Variants in MALRD1 observed in about 807,000 individuals in gnomAD.
MALRD1 encodes MAM and LDL receptor class A domain containing 1.
Under a neutral mutation model 242.1 loss-of-function variants are expected in MALRD1, and 247 were observed. The observed-to-expected ratio is 1.02, with a 90% CI of 0.92 to 1.13. The LOEUF is 1.13. Ranked by LOEUF, MALRD1 falls within the 50% of genes most tolerant of loss-of-function variation. The probability of loss-of-function intolerance (pLI) is 0.00; values close to 1 mark genes in which losing one functional copy is unlikely to be tolerated. For synonymous variants in MALRD1, 995 were observed against 866.6 expected, an observed-to-expected ratio of 1.15 and a Z score of -2.60; for missense variants, 2,989 against 2,533.1, an observed-to-expected ratio of 1.18 and a Z score of -3.86.
At chr10:19,336,278 A>G (rs1843608086) in intron 24 of MALRD1, among the ~76,000 whole-genome samples, 1 of 152,200 alleles carries the variant, frequency 6.6e-6, no homozygotes, top group Non-Finnish European at 1.5e-5. Context: ...CCATTTTATT[A>G]GCTTTCAAAT....
At chr10:19,338,575 G>T (rs1183823622) in intron 24 of MALRD1, among the ~76,000 whole-genome samples, 3 of 151,810 alleles carry the variant, frequency 2.0e-5, no homozygotes, top group Admixed American at 2.0e-4. Context: ...TGACATGTGG[G>T]GATTACAATT....
chr10:19,287,662 C>CTGAGAA (rs1841192378), intron 21 of MALRD1, among the ~76,000 whole-genome samples: 1 of 151,984 alleles, frequency 6.6e-6, no homozygotes, highest in African/African-American at 2.4e-5. Flanking sequence ...GGTAATGGTG[C>CTGAGAA]TGGGATATTT....
intron 34 of MALRD1, among the ~76,000 whole-genome samples, chr10:19,606,229 A>T (rs562123514): frequency 6.6e-6 from 1 of 152,292 alleles, no homozygotes; most frequent in African/African-American, 2.4e-5. Context: ...ACATGGGGAC[A>T]TTTATTCTTG....
intron 21 of MALRD1, among the ~76,000 whole-genome samples, chr10:19,300,514 T>C (rs1841902578): frequency 6.6e-6 from 1 of 151,786 alleles, no homozygotes; most frequent in Non-Finnish European, 1.5e-5. Context: ...AATAGACACA[T>C]AGACCAATAG....
chr10:19,447,163 TATTAA>T (rs1317440384), intron 28 of MALRD1, among the ~76,000 whole-genome samples: 1 of 152,092 alleles, frequency 6.6e-6, no homozygotes, highest in Non-Finnish European at 1.5e-5. Flanking sequence ...TTTTCTCCTG[TATTAA>T]ATTAGTACGT....
At chr10:19,120,623 A>G (rs985509385) in intron 5 of MALRD1, among the ~76,000 whole-genome samples, 1 of 152,118 alleles carries the variant, frequency 6.6e-6, no homozygotes, top group African/African-American at 2.4e-5. Flanking sequence ...CTGCCAGGGT[A>G]GGGGGAGAAG....
chr10:19,564,449 C>T (rs990841994), intron 32 of MALRD1, among the ~76,000 whole-genome samples: 4 of 151,946 alleles, frequency 2.6e-5, no homozygotes, highest in Non-Finnish European at 4.4e-5. Context: ...TTGATGATAA[C>T]ATAAACTCTA....
At chr10:19,627,010 GACAC>G (rs531253690) in intron 36 of MALRD1, among the ~76,000 whole-genome samples, 114 of 152,142 alleles carry the variant, frequency 7.5e-4, no homozygotes, top group African/African-American at 2.7e-3. Flanking sequence ...TAGACAAATA[GACAC>G]TTGGAAAAGA....
At chr10:19,649,760 T>C (rs1366340860) in intron 36 of MALRD1, among the ~76,000 whole-genome samples, 1 of 152,210 alleles carries the variant, frequency 6.6e-6, no homozygotes, top group Non-Finnish European at 1.5e-5. Flanking sequence ...TTTGCCTTTG[T>C]TGTGATTGCT....
chr10:19,080,423 T>C (rs559164517), intron 2 of MALRD1, among the ~76,000 whole-genome samples: 1 of 151,992 alleles, frequency 6.6e-6, no homozygotes, highest in East Asian at 1.9e-4. Context: ...AACAGACACA[T>C]AGACAAATGG....
At chr10:19,136,515 A>G in intron 9 of MALRD1, 59 bp from the exon 10 acceptor site, 1 of 953,872 alleles carries the variant, frequency 1.0e-6, no homozygotes, top group Non-Finnish European at 1.4e-6. Context: ...AACCTTCTTT[A>G]GTTTTTTGTC....
Position 19,324,080 on chromosome 10 carries a change from A to G in MALRD1, c.3551A>G (p.Asn1184Ser), listed in dbSNP as rs1014416801. The G allele has an allele frequency of 3.9e-6, 6 of 1,550,346 alleles. No individual in the cohort carries two copies. Among genetic ancestry groups the G allele is most frequent in the African/African-American group, 1.4e-5 (1 of 73,156 alleles). ...KCTLVFWTHMNGATVGSLQVL... is the reference protein window; with the variant it reads ...KCTLVFWTHMSGATVGSLQVL... ...ACCTTGGTGTTCTGGACACATATGA[A>G]TGGGGCCACCGTTGGTTCTCTCCAG... The change falls in exon 22 of 40, where the codon AAT (asparagine) becomes AGT (serine). Residue 1184 changes from asparagine (N) to serine (S), a missense_variant. Asn to Ser is a conservative substitution (Grantham distance 46). Transcript: ENST00000454679.
At position 19,719,205 on chromosome 10, in the gene MALRD1, TATATATAC is replaced by T. The variant is rs1564567258; in HGVS notation, c.6315-11499_6315-11492del. Among the ~76,000 whole-genome samples the T allele has an allele frequency of 7.9e-4, 76 of 96,272 alleles. 2 individuals carry two copies. Among genetic ancestry groups the T allele is most frequent in the African/African-American group, 3.4e-3 (71 of 20,826 alleles). The allele number at this position is 96,272 out of a possible 152,430, so 63.2% of individuals were successfully genotyped here. On this transcript the variant is annotated intron_variant, in intron 38 of 39. Coordinates refer to ENST00000454679, the MANE Select transcript of MALRD1 (RefSeq NM_001142308.3). Reference sequence around the variant, plus strand: ...ATATATATATACATACATATATATATATATATACACATACATACATATATATATATATA... The same window carrying T: ...ATATATATATACATACATATATATATACATACATACATATATATATATATA...
At chr10:19,171,886 A>G (rs117750222) in intron 13 of MALRD1, among the ~76,000 whole-genome samples, 25,948 of 140,352 alleles carry the variant, frequency 0.18, 2,772 homozygotes, top group Admixed American at 0.27. Flanking sequence ...ATATACGTAT[A>G]TATATGATAT....
chr10:19,563,127 T>A (rs1836075450), intron 32 of MALRD1, among the ~76,000 whole-genome samples: 1 of 152,200 alleles, frequency 6.6e-6, no homozygotes. Context: ...ATGGATTGTT[T>A]GATCTCTCTA....
At chr10:19,261,400 G>T in intron 19 of MALRD1, among the ~76,000 whole-genome samples, 1 of 148,996 alleles carries the variant, frequency 6.7e-6, no homozygotes, top group Non-Finnish European at 1.5e-5. Flanking sequence ...ATTTGATAAA[G>T]GAATCTTACC....
At chr10:19,319,217 A>G (rs1039659580) in intron 21 of MALRD1, among the ~76,000 whole-genome samples, 3 of 152,018 alleles carry the variant, frequency 2.0e-5, no homozygotes, top group African/African-American at 7.2e-5. Flanking sequence ...TTGAAAACAA[A>G]CTTTCTTACT....
intron 10 of MALRD1, among the ~76,000 whole-genome samples, chr10:19,139,433 A>G (rs893160944): frequency 3.3e-5 from 5 of 152,168 alleles, no homozygotes; most frequent in African/African-American, 1.2e-4. Context: ...ATACCTTTAT[A>G]TCTTTTTTTT....
At chr10:19,050,048 A>G (rs1834437998) in intron 1 of MALRD1, among the ~76,000 whole-genome samples, 1 of 146,524 alleles carries the variant, frequency 6.8e-6, no homozygotes, top group Non-Finnish European at 1.5e-5. Flanking sequence ...CACGAATTCT[A>G]TTATTGTAGG....
Sources: gnomAD v4.1 joint callset for allele counts (sites outside exome capture counted in the v4.1 genomes callset) on GRCh38, gnomAD v4.1.1 for gene constraint, MANE v1.5 for transcripts, NCBI Gene and HGNC (gene_info 2026-07-23, HGNC 2026-07-21) for gene names.